Variants in ATP8B3 observed in about 807,000 individuals in gnomAD.
ATP8B3 encodes ATPase phospholipid transporting 8B3.
A neutral mutation model predicts 140.9 loss-of-function variants in ATP8B3; 141 were observed. The ratio of observed to expected loss-of-function variants is 1.00; its 90% confidence interval spans 0.87 to 1.15. The LOEUF (loss-of-function observed/expected upper bound fraction) is 1.15, where lower values mean the gene tolerates loss of function less well. ATP8B3 is among the 50% of genes most tolerant of loss of function. The pLI, the probability that ATP8B3 is intolerant of heterozygous loss-of-function variation, is 0.00. For missense variants in ATP8B3, 1,874 were observed against 1,740.6 expected, an observed-to-expected ratio of 1.08 and a Z score of -1.36; for synonymous variants, 765 against 714.6, an observed-to-expected ratio of 1.07 and a Z score of -1.13.
chr19:1,789,048 C>T lies in ATP8B3; in HGVS notation c.2918G>A (p.Gly973Asp). 6.2e-7 allele frequency: 1 copy of T among 1,606,310 alleles called. No homozygotes were observed. The highest frequency in any genetic ancestry group is 1.1e-5 in the South Asian group (1 of 89,688). Residue 973 changes from glycine (G) to aspartate (D), a missense_variant, in exon 24 of 29, where the codon GGC (glycine) becomes GAC (aspartate). Around this residue, in one of 3 missense-constraint regions of ATP8B3, gnomAD observed 840 missense variants for 760.9 expected, o/e 1.10. Transcript: ENST00000310127. ...GAGGCGCTGCAGGAAGCAGAACTGG[C>T]CGAGCACGAAGTCGCTGTTCTGAAC... is the stretch of plus-strand genomic sequence containing the variant. ...QAVQNSDFVL[G>D]QFCFLQRLLL...
rs7250872 is a variant in ATP8B3, at chr19:1,811,604, C to T, written c.133G>A (p.Gly45Arg). 515,652 of 1,611,692 alleles carry T rather than the reference C, an allele frequency of 0.32. 85,421 individuals carry two copies. Among genetic ancestry groups the T allele is most frequent in the African/African-American group, 0.48 (36,030 of 74,966 alleles). ...CCAGCTCTGATCACCGTCTCACCTCCGCGGATGCCAGCAGGACCTGAGCCT... is the reference window on the plus strand; with the variant it reads ...CCAGCTCTGATCACCGTCTCACCTCTGCGGATGCCAGCAGGACCTGAGCCT... ...QEGSGPAGIR[G>R]GETVIRAGMG... The change falls in exon 2 of 29, where the codon GGA (glycine) becomes AGA (arginine). Residue 45 changes from glycine to arginine, a missense_variant. Gly to Arg is a moderately radical substitution (Grantham distance 125). Coordinates refer to ENST00000310127, the MANE Select transcript of ATP8B3 (RefSeq NM_138813.4).
chr19:1,795,847 A>AC lies in ATP8B3; in HGVS notation c.2055+27_2055+28insG, dbSNP rs773418988. On this transcript the variant is annotated intron_variant, in intron 18 of 28. Transcript: ENST00000310127. The stretch of plus-strand genomic sequence containing the variant: ...CACACACACACACACACACACACAC[A>AC]TAAGCCAGCCTTCCTGAAGGGACTC... 6.6e-5 allele frequency: 84 copies of AC among 1,265,242 alleles called. 2 individuals are homozygous for AC. In the African/African-American group the frequency reaches 1.6e-3, roughly 24 times the overall value. 78.4% of individuals were successfully genotyped at this position (1,265,242 alleles called of 1,614,324 possible). A position where few individuals can be genotyped will look rare whatever the true frequency, so the allele number is the denominator to read the frequency against.
At chr19:1,785,362 G>A in intron 26 of ATP8B3, 65 bp from the exon 27 acceptor site, 1 of 1,551,834 alleles carries the variant, frequency 6.4e-7, no homozygotes, top group East Asian at 2.3e-5. Flanking sequence ...ACCAGCCCCT[G>A]GGGTCCAGGA....
In ATP8B3 at chr19:1,806,597, C is replaced by T. The variant is rs1272755212; in HGVS notation, c.677+31G>A. ...TGCTGGGCTGGAGCCCCCGTGTCCC[C>T]GCGGATCCCCAGCTGCAGCCCCAGC... On this transcript the variant is annotated intron_variant, in intron 7 of 28. Coordinates refer to ENST00000310127, the MANE Select transcript of ATP8B3 (RefSeq NM_138813.4). This position sits in a 1 kb window ranked among gnomAD's most constrained non-coding sequence, Gnocchi z 5.6. The T allele has an allele frequency of 1.2e-5, 19 of 1,551,222 alleles. No homozygotes were observed. Among genetic ancestry groups the T allele is most frequent in the Admixed American group, 5.9e-5 (3 of 51,132 alleles).
At position 1,783,056 on chromosome 19, in the gene ATP8B3, G is replaced by C. The variant is rs758245611; in HGVS notation, c.3875C>G (p.Ala1292Gly). 1 of 1,611,360 alleles carries C rather than the reference G, an allele frequency of 6.2e-7. No individual in the cohort carries two copies. The highest frequency in any genetic ancestry group is 1.1e-5 in the South Asian group (1 of 90,376). ...SESLDPSDEE[A>G]ASSPKESQ The stretch of plus-strand genomic sequence containing the variant: ...CTGTGACTCTTTTGGGCTCGAAGCT[G>C]CCTCTTCATCAGATGGGTCTAGGGA... Residue 1292 changes from alanine (A) to glycine (G), a missense_variant, in exon 29 of 29, where the codon GCA (alanine) becomes GGA (glycine). Physicochemically the swap from Ala to Gly is moderately conservative, Grantham distance 60 (BLOSUM62 0). Coordinates refer to ENST00000310127, the MANE Select transcript of ATP8B3 (RefSeq NM_138813.4).
Position 1,794,862 on chromosome 19 carries a change from G to A in ATP8B3, c.2055+1013C>T, listed in dbSNP as rs1369667284. On this transcript the variant is annotated intron_variant, in intron 18 of 28. Transcript: ENST00000310127. This position sits in a 1 kb window ranked among gnomAD's most constrained non-coding sequence, Gnocchi z 4.8. Reference sequence around the variant, plus strand: ...CCTCAAATCCTGGGCCGAGGAGTTCGGGCTTCCCCCACAGAGTGGGAAGCT... The same window carrying A: ...CCTCAAATCCTGGGCCGAGGAGTTCAGGCTTCCCCCACAGAGTGGGAAGCT... Among the ~76,000 whole-genome samples, 2 of 152,180 alleles carry A rather than the reference G, an allele frequency of 1.3e-5. No individual in the cohort carries two copies. Among genetic ancestry groups the A allele is most frequent in the African/African-American group, 2.4e-5 (1 of 41,446 alleles).
Position 1,805,909 on chromosome 19 carries a change from A to C in ATP8B3, c.800T>G (p.Val267Gly), listed in dbSNP as rs1310179987. The change falls in exon 9 of 29, where the codon GTG becomes GGG. Residue 267 changes from valine (V) to glycine (G), a missense_variant. Around this residue, in one of 3 missense-constraint regions of ATP8B3, gnomAD observed 1,032 missense variants for 963.6 expected, o/e 1.07. Coordinates refer to ENST00000310127, the MANE Select transcript of ATP8B3 (RefSeq NM_138813.4). The surrounding 1 kb of genome is among the most constrained non-coding windows in gnomAD (Gnocchi z 5.2). ...TCACCCGTCAATGTCCACCGTCTCC[A>C]CATAGCACAGGCTGCTGGGCTCCGT... ...ASTEPSSLCY[V>G]ETVDIDGETN... 3 of 1,612,804 alleles carry C rather than the reference A, an allele frequency of 1.9e-6. No homozygotes were observed. In the African/African-American group the frequency reaches 4.0e-5, roughly 22 times the overall value.
At chr19:1,799,779 AT>A (rs750013970) in intron 14 of ATP8B3, 167 bp downstream of exon 14, 1 of 679,448 alleles carries the variant, frequency 1.5e-6, no homozygotes, top group Admixed American at 2.9e-5. Context: ...AAAAAAAAAA[AT>A]TTTCCTGGCC....
rs754552911 is a variant in ATP8B3 at position 1,802,540 on chromosome 19, C to T, written c.1010G>A (p.Arg337Gln). ...YSLDIGNLLL[R>Q]GCRIRNTDTC... ...GTCTGTGTTGCGAATCCTGCAGCCT[C>T]GGAGGAGGAGGTTGCCAATGTCCAG... The change falls in exon 11 of 29, where the codon CGA (arginine) becomes CAA (glutamine). Residue 337 changes from arginine (R) to glutamine (Q), a missense_variant. Transcript: ENST00000310127. 1.2e-5 allele frequency: 19 copies of T among 1,609,562 alleles called. No homozygotes were observed. The highest frequency in any genetic ancestry group is 1.0e-4 in the Admixed American group (6 of 59,570).
Position 1,806,665 on chromosome 19 carries a change from T to C in ATP8B3, c.640A>G (p.Ile214Val), listed in dbSNP as rs1269934105. 2 of 1,565,788 alleles carry C rather than the reference T, an allele frequency of 1.3e-6. No homozygotes were observed. The highest frequency in any genetic ancestry group is 1.7e-6 in the Non-Finnish European group (2 of 1,155,576). ...DMGRHKSDRA[I>V]NNRPCQILMG... ...AGAATCTGGCAGGGTCTGTTGTTGA[T>C]GGCTCTGTCACTCTTGTGTCTCCCC... is the stretch of plus-strand genomic sequence containing the variant. Residue 214 changes from isoleucine to valine, a missense_variant, in exon 7 of 29, where the codon ATC becomes GTC. Around this residue, in one of 3 missense-constraint regions of ATP8B3, gnomAD observed 1,032 missense variants for 963.6 expected, o/e 1.07. Transcript: ENST00000310127. The surrounding 1 kb of genome is among the most constrained non-coding windows in gnomAD (Gnocchi z 5.6).
At position 1,806,140 on chromosome 19, in the gene ATP8B3, C is replaced by A; in HGVS notation, c.707G>T (p.Cys236Phe). Reference sequence around the variant, plus strand: ...GCGGAGACAGACCACATCCCCCACGCACAGATCCTGCCATTTCTTCTGCTT... The same window carrying A: ...GCGGAGACAGACCACATCCCCCACGAACAGATCCTGCCATTTCTTCTGCTT... ...SFKQKKWQDL[C>F]VGDVVCLRKD... The change falls in exon 8 of 29, where the codon TGC becomes TTC. Residue 236 changes from cysteine to phenylalanine, a missense_variant. By Grantham distance (205) the Cys-to-Phe change is radical. Coordinates refer to ENST00000310127, the MANE Select transcript of ATP8B3 (RefSeq NM_138813.4). This position sits in a 1 kb window ranked among gnomAD's most constrained non-coding sequence, Gnocchi z 5.6. 1 of 1,600,794 alleles carries A rather than the reference C, an allele frequency of 6.2e-7. No homozygotes were observed. Among genetic ancestry groups the A allele is most frequent in the East Asian group, 2.3e-5 (1 of 44,164 alleles).
At chr19:1,803,866 A>C (rs1195569558) in intron 10 of ATP8B3, among the ~76,000 whole-genome samples, 1 of 146,470 alleles carries the variant, frequency 6.8e-6, no homozygotes, top group East Asian at 2.0e-4. Context: ...ACTGCACTCC[A>C]GCCTGGGCAA....
Position 1,802,638 on chromosome 19 carries a change from C to T in ATP8B3, c.912G>A (p.Val304=). 1 of 1,609,600 alleles carries T rather than the reference C, an allele frequency of 6.2e-7. No individual in the cohort carries two copies. Reference sequence around the variant, plus strand: ...TCCGACTGTTAGGCGCCTCACACGTCACTGTGCCTGTGGGTGGCCAGGTGG... The same window carrying T: ...TCCGACTGTTAGGCGCCTCACACGTTACTGTGCCTGTGGGTGGCCAGGTGG... ...IKKMASFQGT[V]TCEAPNSRMH... Residue 304 remains valine, a synonymous_variant, in exon 11 of 29, where the codon GTG becomes GTA. Coordinates refer to ENST00000310127, the MANE Select transcript of ATP8B3 (RefSeq NM_138813.4).
intron 14 of ATP8B3, 110 bp from the exon 15 acceptor site, chr19:1,797,115 C>T (rs953863906): frequency 6.6e-7 from 1 of 1,518,530 alleles, no homozygotes. Flanking sequence ...TGCAGCCACA[C>T]AAGCCAGGCC....
At chr19:1,791,690 A>C in intron 20 of ATP8B3, 60 bp downstream of exon 20, 4 of 1,301,960 alleles carry the variant, frequency 3.1e-6, no homozygotes, top group Non-Finnish European at 4.4e-6. Context: ...TTCAAACTTC[A>C]GGGAAGTTTG....
At chr19:1,791,713 G>T (rs1209012462) in intron 20 of ATP8B3, 37 bp downstream of exon 20, 3 of 1,507,302 alleles carry the variant, frequency 2.0e-6, no homozygotes, top group East Asian at 2.3e-5. Flanking sequence ...GACCCATGCT[G>T]CAGGGGCTTA....
At position 1,785,069 on chromosome 19, in the gene ATP8B3, C is replaced by T. The variant is rs188876412; in HGVS notation, c.3532+90G>A. ...GGAGCGCCTTCCCCAGGACACTTTG[C>T]CGGACGACTGTCATGAGCAACCTGC... On this transcript the variant is annotated intron_variant, in intron 27 of 28. Transcript: ENST00000310127. The T allele has an allele frequency of 3.6e-4, 540 of 1,482,460 alleles. 2 individuals are homozygous for T. The East Asian group carries it at 0.013, about 35-fold the overall frequency. 91.8% of individuals were successfully genotyped at this position (1,482,460 alleles called of 1,614,324 possible). A position where few individuals can be genotyped will look rare whatever the true frequency, so the allele number is the denominator to read the frequency against.
chr19:1,805,593 C>A lies in ATP8B3; in HGVS notation c.822-137G>T. 1.2e-6 allele frequency: 1 copy of A among 844,302 alleles called. No individual in the cohort carries two copies. The allele number at this position is 844,302 out of a possible 1,614,324, so 52.3% of individuals were successfully genotyped here. A position where few individuals can be genotyped will look rare whatever the true frequency, so the allele number is the denominator to read the frequency against. ...CCAGCTGCCAGTCAGATGGCTGAGG[C>A]CCAGAGAGGGAGAAGGCCTTGCCCA... On this transcript the variant is annotated intron_variant, in intron 9 of 28. Coordinates refer to ENST00000310127, the MANE Select transcript of ATP8B3 (RefSeq NM_138813.4). This position sits in a 1 kb window ranked among gnomAD's most constrained non-coding sequence, Gnocchi z 5.2.
intron 4 of ATP8B3, 122 bp downstream of exon 4, chr19:1,809,521 A>G: frequency 1.2e-6 from 1 of 867,386 alleles, no homozygotes. Flanking sequence ...ACGAAAACCA[A>G]AAAAAGAAAA....
Sources: gnomAD v4.1 joint callset for allele counts (sites outside exome capture counted in the v4.1 genomes callset) on GRCh38, gnomAD v4.1.1 for gene constraint, gnomAD v4.1.1 regional missense constraint, Gnocchi (gnomAD v3.1) non-coding constraint, MANE v1.5 for transcripts, NCBI Gene and HGNC (gene_info 2026-07-23, HGNC 2026-07-21) for gene names.